The following CUX2 variants were observed in gnomAD, a reference collection of about 807,000 sequenced individuals.
The protein encoded by CUX2 is cut like homeobox 2.
A neutral mutation model predicts 144.8 loss-of-function variants in CUX2; 40 were observed. The ratio of observed to expected loss-of-function variants is 0.28; its 90% CI spans 0.21 to 0.36. The LOEUF is 0.36. CUX2 is among the 10% of genes least tolerant of loss of function. CUX2 has a pLI of 1.00. For synonymous variants in CUX2, 827 were observed against 875.6 expected (o/e 0.94, Z 0.98); for missense variants, 1,615 against 1,994.0 (o/e 0.81, Z 3.62).
Position 111,246,747 on chromosome 12 carries a change from C to A in CUX2, c.223-17014C>A, listed in dbSNP as rs1883298418. On this transcript the variant is annotated intron_variant, in intron 3 of 21. Coordinates refer to ENST00000261726, the MANE Select transcript of CUX2 (RefSeq NM_015267.4). This position sits in a 1 kb window ranked among gnomAD's most constrained non-coding sequence, Gnocchi z 4.0. ...CTTTCTCACCTCTCACCTTTGTATGCAACTGCTCTCCCTCCTGTTGAATCA... is the reference window on the plus strand; with the variant it reads ...CTTTCTCACCTCTCACCTTTGTATGAAACTGCTCTCCCTCCTGTTGAATCA... 6.6e-6 allele frequency among the ~76,000 whole-genome samples: 1 copy of A among 152,174 alleles called. No homozygotes were observed. The highest frequency in any genetic ancestry group is 2.4e-5 in the African/African-American group (1 of 41,448).
Position 111,322,631 on chromosome 12 carries a change from C to T in CUX2, c.2926+51C>T, listed in dbSNP as rs558419231. ...GGGGTGCTGGCAAACTTCCCACCTG[C>T]GCAGTGGCATGTCCGCCTGGCTTTA... On this transcript the variant is annotated intron_variant, in intron 18 of 21. Transcript: ENST00000261726. The surrounding 1 kb of genome is among the most constrained non-coding windows in gnomAD (Gnocchi z 4.2). 308 of 1,582,758 alleles carry T rather than the reference C, an allele frequency of 1.9e-4. 1 individual carries two copies. Among genetic ancestry groups the T allele is most frequent in the East Asian group, 7.0e-4 (31 of 44,342 alleles).
chr12:111,342,857 G>A (rs1034486535), intron 21 of CUX2, among the ~76,000 whole-genome samples: 8 of 150,892 alleles, frequency 5.3e-5, no homozygotes, highest in African/African-American at 2.0e-4. Flanking sequence ...TACTTGGGAG[G>A]CTGAGGCGGG....
chr12:111,105,957 T>A (rs540458084), intron 1 of CUX2, among the ~76,000 whole-genome samples: 1 of 150,178 alleles, frequency 6.7e-6, no homozygotes, highest in Non-Finnish European at 1.5e-5. Flanking sequence ...CTTGACCTCC[T>A]GGGCTCAAGT....
At chr12:111,109,656 CA>C (rs749177544) in intron 1 of CUX2, among the ~76,000 whole-genome samples, 74 of 152,118 alleles carry the variant, frequency 4.9e-4, no homozygotes, top group Non-Finnish European at 9.1e-4. Context: ...GCTGAAAGAA[CA>C]AATGTACAAA....
At chr12:111,298,415 A>T (rs1886122699) in intron 8 of CUX2, 126 bp from the exon 9 acceptor site, 1 of 937,976 alleles carries the variant, frequency 1.1e-6, no homozygotes, top group South Asian at 1.6e-5. Context: ...CCCCAGCCCG[A>T]TTTCTCTCCT....
chr12:111,144,347 C>T (rs1876525717), intron 1 of CUX2, among the ~76,000 whole-genome samples: 1 of 152,240 alleles, frequency 6.6e-6, no homozygotes. Context: ...CCGGAGCCAT[C>T]AGTAAAACCC....
chr12:111,160,204 T>C lies in CUX2; in HGVS notation c.64-53996T>C, dbSNP rs1405399443. 6.6e-6 allele frequency among the ~76,000 whole-genome samples: 1 copy of C among 152,144 alleles called. No homozygotes were observed. Among genetic ancestry groups the C allele is most frequent in the African/African-American group, 2.4e-5 (1 of 41,438 alleles). On this transcript the variant is annotated intron_variant, in intron 1 of 21. Transcript: ENST00000261726. The surrounding 1 kb of genome is among the most constrained non-coding windows in gnomAD (Gnocchi z 4.1). ...GGGCTAGGGGGACATTTGCTAAGCA[T>C]GTCAACAAGTTGTGATAGAAGAATT... is the stretch of plus-strand genomic sequence containing the variant.
At chr12:111,306,480 C>T (rs1229047031) in intron 10 of CUX2, among the ~76,000 whole-genome samples, 1 of 152,078 alleles carries the variant, frequency 6.6e-6, no homozygotes, top group Non-Finnish European at 1.5e-5. Context: ...TTGGGGCTAT[C>T]AGCAAATTAG....
At position 111,293,296 on chromosome 12, in the gene CUX2, G is replaced by T. The variant is rs1421531055; in HGVS notation, c.437-150G>T. 7 of 1,208,700 alleles carry T rather than the reference G, an allele frequency of 5.8e-6. No homozygotes were observed. In the East Asian group the frequency reaches 1.4e-4, roughly 24 times the overall value. 74.9% of individuals were successfully genotyped at this position (1,208,700 alleles called of 1,614,324 possible). The stretch of plus-strand genomic sequence containing the variant: ...AATGACCTGTGTGCTGAGGACATGC[G>T]GCCCGCAGGGCCCCACAGCTGCGCT... On this transcript the variant is annotated intron_variant, in intron 5 of 21. Coordinates refer to ENST00000261726, the MANE Select transcript of CUX2 (RefSeq NM_015267.4). This position sits in a 1 kb window ranked among gnomAD's most constrained non-coding sequence, Gnocchi z 4.5.
chr12:111,281,020 C>T lies in CUX2; in HGVS notation c.302-10398C>T, dbSNP rs1592913302. Among the ~76,000 whole-genome samples the T allele has an allele frequency of 2.6e-5, 4 of 152,192 alleles. No individual in the cohort carries two copies. In the South Asian group the frequency reaches 8.3e-4, roughly 31 times the overall value. ...CTGCCACCACTGTGACCACAGCCAT[C>T]ATCATGGCTGCCAGGACTCTTGCAG... On this transcript the variant is annotated intron_variant, in intron 4 of 21. Coordinates refer to ENST00000261726, the MANE Select transcript of CUX2 (RefSeq NM_015267.4).
chr12:111,253,645 T>A (rs1426304455), intron 3 of CUX2, among the ~76,000 whole-genome samples: 2 of 152,176 alleles, frequency 1.3e-5, no homozygotes, highest in African/African-American at 4.8e-5. Flanking sequence ...CCAGTCTTGC[T>A]TGGTGCTGAA....
At position 111,171,880 on chromosome 12, in the gene CUX2, C is replaced by T. The variant is rs1039129726; in HGVS notation, c.64-42320C>T. On this transcript the variant is annotated intron_variant, in intron 1 of 21. Coordinates refer to ENST00000261726, the MANE Select transcript of CUX2 (RefSeq NM_015267.4). The surrounding 1 kb of genome is among the most constrained non-coding windows in gnomAD (Gnocchi z 5.0). ...CCTTACCTGTACCAAATAAATAACCCATTTCCCAATGGGCAGGCAGCATAT... is the reference window on the plus strand; with the variant it reads ...CCTTACCTGTACCAAATAAATAACCTATTTCCCAATGGGCAGGCAGCATAT... Among the ~76,000 whole-genome samples the T allele has an allele frequency of 6.6e-6, 1 of 152,226 alleles. No individual in the cohort carries two copies. The highest frequency in any genetic ancestry group is 1.5e-5 in the Non-Finnish European group (1 of 68,034).
chr12:111,208,661 T>C (rs1004247318), intron 1 of CUX2, among the ~76,000 whole-genome samples: 3 of 152,246 alleles, frequency 2.0e-5, no homozygotes, highest in Admixed American at 1.3e-4. Context: ...TTTACTGAAG[T>C]GTGGGACACA....
intron 1 of CUX2, among the ~76,000 whole-genome samples, chr12:111,137,364 T>TTGTTGTTGTTG (rs146487590): frequency 6.5e-4 from 96 of 148,558 alleles, no homozygotes; most frequent in African/African-American, 2.5e-3. Flanking sequence ...GTTGTTGTTG[T>TTGTTGTTGTTG]TTGTTGATGT....
intron 9 of CUX2, among the ~76,000 whole-genome samples, chr12:111,301,515 CT>C (rs113734368): frequency 0.053 from 7,846 of 147,386 alleles, 285 homozygotes; most frequent in East Asian, 0.11. Flanking sequence ...AGACTAGTAG[CT>C]TTTTTTTTTT....
chr12:111,224,399 C>T (rs1357223647), intron 3 of CUX2, among the ~76,000 whole-genome samples: 6 of 152,012 alleles, frequency 3.9e-5, no homozygotes, highest in Admixed American at 3.9e-4. Context: ...GCTCTGGCCC[C>T]GAGCCCCCAC....
intron 4 of CUX2, among the ~76,000 whole-genome samples, chr12:111,274,476 G>A (rs1884767737): frequency 6.6e-6 from 1 of 152,102 alleles, no homozygotes; most frequent in African/African-American, 2.4e-5. Context: ...GGTGCTGGTG[G>A]TGGTGGTATT....
chr12:111,323,699 G>A (rs974549167), intron 18 of CUX2, among the ~76,000 whole-genome samples: 1 of 152,212 alleles, frequency 6.6e-6, no homozygotes, highest in South Asian at 2.1e-4. Context: ...TGAGGCAGGA[G>A]GATCACTTGA....
In CUX2 at chr12:111,348,483, A is replaced by G. The variant is rs1286373964; in HGVS notation, c.*158A>G. ...CGTTTTTTGTTGTAATCCTAGTTCT[A>G]TGAAGCTGTGTGAGCAGGTGGGTCA... On this transcript the variant is annotated 3_prime_UTR_variant, in exon 22 of 22. Transcript: ENST00000261726. 2.7e-6 allele frequency: 2 copies of G among 738,630 alleles called. No individual in the cohort carries two copies. The highest frequency in any genetic ancestry group is 4.3e-6 in the Non-Finnish European group (2 of 463,550). 45.8% of individuals were successfully genotyped at this position (738,630 alleles called of 1,614,324 possible). A position where few individuals can be genotyped will look rare whatever the true frequency, so the allele number is the denominator to read the frequency against.
Sources: gnomAD v4.1 joint callset for allele counts (sites outside exome capture counted in the v4.1 genomes callset) on GRCh38, gnomAD v4.1.1 for gene constraint, Gnocchi (gnomAD v3.1) non-coding constraint, MANE v1.5 for transcripts, NCBI Gene and HGNC (gene_info 2026-07-23, HGNC 2026-07-21) for gene names.